The following SDCCAG8 variants were observed in gnomAD, a reference collection of about 807,000 sequenced individuals.
SDCCAG8 encodes the protein SHH signaling and ciliogenesis regulator SDCCAG8, also known as serologically defined colon cancer antigen 8.
In SDCCAG8, 74 loss-of-function variants were observed where a neutral mutation model predicts 101.8. The ratio of observed to expected loss-of-function variants is 0.73; its 90% CI spans 0.60 to 0.88. The LOEUF (loss-of-function observed/expected upper bound fraction) is 0.88. Ranked by LOEUF, SDCCAG8 falls within the 40% of genes least tolerant of loss-of-function variation. The pLI is 0.00. For synonymous variants in SDCCAG8, 281 were observed against 292.9 expected, an observed-to-expected ratio of 0.96 and a Z score of 0.41; for missense variants, 787 against 822.6, an observed-to-expected ratio of 0.96 and a Z score of 0.53.
At chr1:243,489,661 G>C (rs1665888212) in intron 17 of SDCCAG8, among the ~76,000 whole-genome samples, 1 of 152,212 alleles carries the variant, frequency 6.6e-6, no homozygotes, top group Non-Finnish European at 1.5e-5. Flanking sequence ...GTTACACACA[G>C]AACATGCATT....
intron 16 of SDCCAG8, among the ~76,000 whole-genome samples, chr1:243,478,752 A>G (rs2148217024): frequency 6.6e-6 from 1 of 152,190 alleles, no homozygotes; most frequent in South Asian, 2.1e-4. Flanking sequence ...AGATCAAGAG[A>G]TCGAGACCAT....
chr1:243,300,429 CCTTT>C (rs775588910), intron 6 of SDCCAG8, among the ~76,000 whole-genome samples: 3 of 152,018 alleles, frequency 2.0e-5, no homozygotes, highest in African/African-American at 4.8e-5. Flanking sequence ...TACTGGTTTC[CCTTT>C]CTTCACACTT....
chr1:243,385,100 A>G (rs1402417557), intron 13 of SDCCAG8, among the ~76,000 whole-genome samples: 3 of 152,108 alleles, frequency 2.0e-5, no homozygotes, highest in Non-Finnish European at 4.4e-5. Context: ...AAGAAAATAC[A>G]TGAGTAGATC....
At chr1:243,481,412 C>T (rs776427460) in intron 16 of SDCCAG8, among the ~76,000 whole-genome samples, 1 of 152,142 alleles carries the variant, frequency 6.6e-6, no homozygotes, top group Non-Finnish European at 1.5e-5. Context: ...TTGCTTCTCT[C>T]ATGCATAAAA....
intron 9 of SDCCAG8, among the ~76,000 whole-genome samples, chr1:243,326,257 G>T (rs2074142062): frequency 6.6e-6 from 1 of 152,064 alleles, no homozygotes; most frequent in African/African-American, 2.4e-5. Context: ...CATAATAATT[G>T]TACATATTTA....
At chr1:243,495,094 A>G (rs908516346) in intron 17 of SDCCAG8, among the ~76,000 whole-genome samples, 1 of 152,164 alleles carries the variant, frequency 6.6e-6, no homozygotes, top group Admixed American at 6.5e-5. Context: ...GACTCAGGGG[A>G]CTTGAGAAAG....
intron 16 of SDCCAG8, among the ~76,000 whole-genome samples, chr1:243,486,427 C>T (rs1664852638): frequency 6.6e-6 from 1 of 152,102 alleles, no homozygotes; most frequent in South Asian, 2.1e-4. Flanking sequence ...GGCTCACACC[C>T]AGGCACTTGA....
intron 9 of SDCCAG8, among the ~76,000 whole-genome samples, chr1:243,328,329 A>G (rs1558302241): frequency 6.6e-6 from 1 of 151,916 alleles, no homozygotes. Context: ...CCCAGGCTGG[A>G]GTGCAGTGGC....
At position 243,322,875 on chromosome 1, in the gene SDCCAG8, G is replaced by A. The variant is rs1004701509; in HGVS notation, c.1068+5982G>A. On this transcript the variant is annotated intron_variant, in intron 9 of 17. Transcript: ENST00000366541. ...TTAATAGCCGGGCGCAGTGGCTCACGCCTGTAATCTCAGCACTTTGGGAGG... is the reference window on the plus strand; with the variant it reads ...TTAATAGCCGGGCGCAGTGGCTCACACCTGTAATCTCAGCACTTTGGGAGG... Among the ~76,000 whole-genome samples the A allele has an allele frequency of 6.6e-5, 10 of 151,580 alleles. No homozygotes were observed. In the South Asian group the frequency reaches 1.5e-3, roughly 22 times the overall value.
intron 13 of SDCCAG8, among the ~76,000 whole-genome samples, chr1:243,394,240 A>T (rs1227734711): frequency 6.6e-6 from 1 of 152,224 alleles, no homozygotes. Flanking sequence ...GTGGTATAAC[A>T]TAGCCATATG....
chr1:243,497,302 G>A lies in SDCCAG8; in HGVS notation c.2113-2454G>A, dbSNP rs185345657. On this transcript the variant is annotated intron_variant, in intron 17 of 17. Coordinates refer to ENST00000366541, the MANE Select transcript of SDCCAG8 (RefSeq NM_006642.5). The stretch of plus-strand genomic sequence containing the variant: ...TCCAGCCCTCCAGTGCTGACTGAAC[G>A]CTCACCATGGGTCAGGCACGGCTGT... Among the ~76,000 whole-genome samples, 573 of 136,920 alleles carry A rather than the reference G, an allele frequency of 4.2e-3. 12 individuals carry two copies. Among genetic ancestry groups the A allele is most frequent in the Admixed American group, 0.039 (494 of 12,662 alleles). 89.8% of individuals were successfully genotyped at this position (136,920 alleles called of 152,430 possible).
At chr1:243,429,548 T>C (rs1208780673) in intron 16 of SDCCAG8, among the ~76,000 whole-genome samples, 2 of 152,050 alleles carry the variant, frequency 1.3e-5, no homozygotes, top group Non-Finnish European at 2.9e-5. Flanking sequence ...ATAAGGGAAC[T>C]TGTTTTTTAA....
chr1:243,290,646 A>AC (rs1162022196), intron 5 of SDCCAG8, among the ~76,000 whole-genome samples: 6 of 151,038 alleles, frequency 4.0e-5, no homozygotes, highest in South Asian at 2.1e-4. Flanking sequence ...ATTTTCTGAG[A>AC]CCCCCCTGCA....
At chr1:243,270,889 G>T (rs917402817) in intron 2 of SDCCAG8, 89 bp from the exon 3 acceptor site, 3 of 910,970 alleles carry the variant, frequency 3.3e-6, no homozygotes, top group Middle Eastern at 2.2e-4. Context: ...TAATATATCA[G>T]CAATTTTTAT....
intron 1 of SDCCAG8, among the ~76,000 whole-genome samples, chr1:243,259,713 G>T (rs777182837): frequency 7.2e-5 from 11 of 152,054 alleles, no homozygotes; most frequent in Non-Finnish European, 1.5e-4. Context: ...CAGCTACTCG[G>T]GAGGCTGAGG....
intron 9 of SDCCAG8, among the ~76,000 whole-genome samples, chr1:243,317,867 A>T (rs1180451807): frequency 6.6e-6 from 1 of 152,204 alleles, no homozygotes; most frequent in African/African-American, 2.4e-5. Context: ...GACAGTGCAG[A>T]TATAGAGCAT....
chr1:243,430,588 A>G (rs1208948951), intron 16 of SDCCAG8, among the ~76,000 whole-genome samples: 6 of 151,762 alleles, frequency 4.0e-5, no homozygotes, highest in Non-Finnish European at 7.4e-5. Flanking sequence ...ACAGGCGCCC[A>G]CCACCACGCC....
chr1:243,488,904 G>A lies in SDCCAG8; in HGVS notation c.1986-110G>A, dbSNP rs1005433866. The stretch of plus-strand genomic sequence containing the variant: ...CTGGCACCTCAGGGTCACCCTAGGC[G>A]TCCTGCTCATGGTTCCCTATCAGGG... On this transcript the variant is annotated intron_variant, in intron 16 of 17. Transcript: ENST00000366541. The A allele has an allele frequency of 5.2e-6, 8 of 1,525,032 alleles. No individual in the cohort carries two copies. In the Middle Eastern group the frequency reaches 1.1e-3, roughly 206 times the overall value. 94.5% of individuals were successfully genotyped at this position (1,525,032 alleles called of 1,614,324 possible). A position where few individuals can be genotyped will look rare whatever the true frequency, so the allele number is the denominator to read the frequency against.
At chr1:243,396,204 G>A (rs950562349) in intron 13 of SDCCAG8, among the ~76,000 whole-genome samples, 1 of 152,104 alleles carries the variant, frequency 6.6e-6, no homozygotes, top group Non-Finnish European at 1.5e-5. Flanking sequence ...TGAAGGGAGA[G>A]TAAATACTTG....
Sources: gnomAD v4.1 joint callset for allele counts (sites outside exome capture counted in the v4.1 genomes callset) on GRCh38, gnomAD v4.1.1 for gene constraint, MANE v1.5 for transcripts, NCBI Gene and HGNC (gene_info 2026-07-23, HGNC 2026-07-21) for gene names.